The following KCNB2 variants were observed in gnomAD, a reference collection of about 807,000 sequenced individuals.
The protein encoded by KCNB2 is potassium voltage-gated channel subfamily B member 2.
Under a neutral mutation model 61.5 loss-of-function variants are expected in KCNB2, and 15 were observed. The ratio of observed to expected loss-of-function variants is 0.24; its 90% CI spans 0.16 to 0.38. The LOEUF is 0.38. KCNB2 is among the 10% of genes least tolerant of loss of function. The pLI is 1.00. For missense variants in KCNB2, 828 were observed against 1,125.2 expected, an observed-to-expected ratio of 0.74 and a Z score of 3.78; for synonymous variants, 457 against 446.0, an observed-to-expected ratio of 1.02 and a Z score of -0.31.
At chr8:72,650,163 GT>G (rs775713490) in intron 2 of KCNB2, among the ~76,000 whole-genome samples, 39 of 152,138 alleles carry the variant, frequency 2.6e-4, no homozygotes, top group Non-Finnish European at 4.9e-4. Flanking sequence ...AAATAGTTAA[GT>G]AACACCCTGT....
intron 2 of KCNB2, among the ~76,000 whole-genome samples, chr8:72,884,384 GT>G (rs1805769077): frequency 6.6e-6 from 1 of 152,084 alleles, no homozygotes; most frequent in Non-Finnish European, 1.5e-5. Flanking sequence ...GGGGAGGGGA[GT>G]GGGTTGTGTA....
intron 2 of KCNB2, among the ~76,000 whole-genome samples, chr8:72,718,213 G>C (rs1335249013): frequency 2.0e-5 from 3 of 152,084 alleles, no homozygotes; most frequent in African/African-American, 4.8e-5. Flanking sequence ...TACACTGTTG[G>C]TGGGACTGTA....
At chr8:72,853,446 T>C (rs1810154561) in intron 2 of KCNB2, among the ~76,000 whole-genome samples, 1 of 152,152 alleles carries the variant, frequency 6.6e-6, no homozygotes, top group Admixed American at 6.5e-5. Flanking sequence ...ACCATCCTAC[T>C]TTCCTCACTC....
intron 2 of KCNB2, among the ~76,000 whole-genome samples, chr8:72,917,388 GTT>G (rs1806420792): frequency 1.1e-5 from 1 of 90,142 alleles, no homozygotes; most frequent in Admixed American, 9.0e-5. Flanking sequence ...ATGTTCAGAT[GTT>G]TTAAAAAGGC....
In KCNB2 at chr8:72,791,471, C is replaced by G. The variant is rs1808941836; in HGVS notation, c.580-144464C>G. On this transcript the variant is annotated intron_variant, in intron 2 of 2. Transcript: ENST00000523207. ...GGCTGAGGCAGGAGGATTGTTTGAG[C>G]CTAATAGATCAAGGCTGCAGTGAGC... 2.6e-5 allele frequency among the ~76,000 whole-genome samples: 4 copies of G among 152,068 alleles called. No homozygotes were observed. The South Asian group carries it at 8.3e-4, about 32-fold the overall frequency.
intron 2 of KCNB2, among the ~76,000 whole-genome samples, chr8:72,711,752 G>A (rs940112920): frequency 1.8e-4 from 13 of 72,208 alleles, no homozygotes; most frequent in South Asian, 3.2e-4. Context: ...CACTTTGGGA[G>A]GCCAAGGTGG....
intron 2 of KCNB2, among the ~76,000 whole-genome samples, chr8:72,708,972 C>T (rs1284683949): frequency 2.0e-5 from 3 of 152,134 alleles, no homozygotes; most frequent in Non-Finnish European, 4.4e-5. Flanking sequence ...ACATCAATAG[C>T]CAAACATGTA....
intron 2 of KCNB2, 143 bp downstream of exon 2, chr8:72,568,456 C>G: frequency 1.5e-6 from 1 of 669,072 alleles, no homozygotes; most frequent in Admixed American, 3.0e-5. Context: ...TTTCCAAAAT[C>G]TTATTTAGTC....
chr8:72,539,253 G>A (rs879273106), intron 1 of KCNB2, among the ~76,000 whole-genome samples: 9 of 152,160 alleles, frequency 5.9e-5, no homozygotes, highest in South Asian at 2.1e-4. Flanking sequence ...TTGAGGTGGT[G>A]TTTTTAATTT....
At chr8:72,886,791 T>C (rs2129005525) in intron 2 of KCNB2, among the ~76,000 whole-genome samples, 1 of 152,378 alleles carries the variant, frequency 6.6e-6, no homozygotes, top group East Asian at 1.9e-4. Context: ...TGCATCGCAG[T>C]GGCAGCTGGC....
rs143263199 is a variant in KCNB2 at position 72,641,346 on chromosome 8, G to A, written c.579+73033G>A. 1.6e-4 allele frequency among the ~76,000 whole-genome samples: 25 copies of A among 152,136 alleles called. No individual in the cohort carries two copies. The East Asian group carries it at 4.8e-3, about 29-fold the overall frequency. ...ATTTTTTCTGTCACTATCCAGGTGA[G>A]TTAAATCACATTCATATAATTAGTT... On this transcript the variant is annotated intron_variant, in intron 2 of 2. Transcript: ENST00000523207.
chr8:72,727,568 T>C (rs1282888799), intron 2 of KCNB2, among the ~76,000 whole-genome samples: 1 of 152,218 alleles, frequency 6.6e-6, no homozygotes, highest in Non-Finnish European at 1.5e-5. Flanking sequence ...AGATAAAGTC[T>C]TTATACCTTG....
At chr8:72,714,831 G>GGGCT (rs1169806387) in intron 2 of KCNB2, among the ~76,000 whole-genome samples, 1 of 152,112 alleles carries the variant, frequency 6.6e-6, no homozygotes, top group Non-Finnish European at 1.5e-5. Context: ...AAATGTAAAT[G>GGGCT]GGCTAAATGC....
intron 2 of KCNB2, among the ~76,000 whole-genome samples, chr8:72,706,193 A>T (rs1807220677): frequency 6.6e-6 from 1 of 152,198 alleles, no homozygotes. Flanking sequence ...AACCCTTCTG[A>T]AGAAAGACTC....
intron 2 of KCNB2, among the ~76,000 whole-genome samples, chr8:72,921,050 CT>C (rs1806512019): frequency 6.6e-6 from 1 of 152,044 alleles, no homozygotes; most frequent in South Asian, 2.1e-4. Flanking sequence ...GCTACCTTCT[CT>C]CTTATTGAGT....
chr8:72,834,515 A>G (rs1224292592), intron 2 of KCNB2, among the ~76,000 whole-genome samples: 1 of 152,124 alleles, frequency 6.6e-6, no homozygotes, highest in Admixed American at 6.5e-5. Context: ...GAACTCAAAT[A>G]ATTTCAAATC....
chr8:72,927,052 C>T (rs1247889740), intron 2 of KCNB2, among the ~76,000 whole-genome samples: 1 of 152,126 alleles, frequency 6.6e-6, no homozygotes, highest in African/African-American at 2.4e-5. Flanking sequence ...GTTTCTGATC[C>T]AGGAGGCATG....
At chr8:72,549,675 G>T (rs1332864603) in intron 1 of KCNB2, among the ~76,000 whole-genome samples, 1 of 152,194 alleles carries the variant, frequency 6.6e-6, no homozygotes, top group South Asian at 2.1e-4. Flanking sequence ...GGGGAGAAAA[G>T]TGTTTGAATT....
intron 2 of KCNB2, among the ~76,000 whole-genome samples, chr8:72,892,993 T>C (rs964638774): frequency 6.6e-6 from 1 of 152,118 alleles, no homozygotes; most frequent in Non-Finnish European, 1.5e-5. Context: ...AATGATTTTG[T>C]CCTGGACTAC....
Sources: gnomAD v4.1 joint callset for allele counts (sites outside exome capture counted in the v4.1 genomes callset) on GRCh38, gnomAD v4.1.1 for gene constraint, MANE v1.5 for transcripts, NCBI Gene and HGNC (gene_info 2026-07-23, HGNC 2026-07-21) for gene names.